The following THEM4 variants were observed in gnomAD, a reference collection of about 807,000 sequenced individuals.
THEM4 encodes acyl-coenzyme A thioesterase THEM4.
A neutral mutation model predicts 25.0 loss-of-function variants in THEM4; 22 were observed. That is an observed-to-expected ratio of 0.88 (90% CI 0.63 to 1.26). The LOEUF is 1.26. Among genes scored for constraint, THEM4 ranks in the 50% most tolerant of loss-of-function variants. The probability of loss-of-function intolerance (pLI) is 0.00; values close to 1 mark genes in which losing one functional copy is unlikely to be tolerated. For missense variants in THEM4, 286 were observed against 300.3 expected (o/e 0.95, Z 0.35); for synonymous variants, 113 against 105.6 (o/e 1.07, Z -0.43).
At position 151,870,961 on chromosome 1, in the gene THEM4, G is replaced by A. The variant is rs1653537761; in HGVS notation, c.*3927C>T. 6.6e-6 allele frequency among the ~76,000 whole-genome samples: 1 copy of A among 152,178 alleles called. No homozygotes were observed. The highest frequency in any genetic ancestry group is 1.5e-5 in the Non-Finnish European group (1 of 68,032). On this transcript the variant is annotated 3_prime_UTR_variant, in exon 6 of 6. Transcript: ENST00000368814. ...CGGCCTAATTATGTTTACACTGATA[G>A]TTTAAAGATATTTTAGCACTAACCA...
intron 2 of THEM4, among the ~76,000 whole-genome samples, chr1:151,891,872 G>A (rs1654102028): frequency 6.6e-6 from 1 of 152,116 alleles, no homozygotes; most frequent in Non-Finnish European, 1.5e-5. Context: ...CTGAGGGAGA[G>A]GTTGACAGAT....
chr1:151,908,228 A>T (rs760551461), intron 1 of THEM4, among the ~76,000 whole-genome samples: 3 of 152,104 alleles, frequency 2.0e-5, no homozygotes, highest in Non-Finnish European at 2.9e-5. Context: ...ATTTTCTGTA[A>T]AGTTTTGTGC....
intron 2 of THEM4, 126 bp from the exon 3 acceptor site, chr1:151,889,499 G>T: frequency 1.0e-6 from 1 of 985,414 alleles, no homozygotes; most frequent in Non-Finnish European, 1.5e-6. Context: ...TCCACAGGGT[G>T]CAAAATTGAA....
intron 2 of THEM4, among the ~76,000 whole-genome samples, chr1:151,891,989 T>C (rs573910310): frequency 7.9e-5 from 12 of 152,214 alleles, no homozygotes; most frequent in East Asian, 1.9e-4. Context: ...AGAATCTTGC[T>C]CTGTCACCCA....
intron 4 of THEM4, among the ~76,000 whole-genome samples, chr1:151,877,511 CTCATT>C (rs1318998021): frequency 6.6e-6 from 1 of 152,244 alleles, no homozygotes; most frequent in African/African-American, 2.4e-5. Flanking sequence ...GGCAGCTTCT[CTCATT>C]TCTTCTGTCA....
chr1:151,884,113 AG>A (rs1653908830), intron 4 of THEM4, among the ~76,000 whole-genome samples: 1 of 151,386 alleles, frequency 6.6e-6, no homozygotes, highest in African/African-American at 2.4e-5. Context: ...AAATAAATAA[AG>A]GAAGGAAGGA....
At position 151,875,138 on chromosome 1, in the gene THEM4, A is replaced by G. The variant is rs1351147366; in HGVS notation, c.683-210T>C. Among the ~76,000 whole-genome samples the G allele has an allele frequency of 2.0e-5, 3 of 152,190 alleles. No individual in the cohort carries two copies. The East Asian group carries it at 5.8e-4, about 29-fold the overall frequency. ...CTTCTCCCTGGGTAACCAGGTCCTC[A>G]CCACTTGGCCATTTCATGGTTCCTC... On this transcript the variant is annotated intron_variant, in intron 5 of 5. Coordinates refer to ENST00000368814, the MANE Select transcript of THEM4 (RefSeq NM_053055.5).
intron 3 of THEM4, 22 bp downstream of exon 3, chr1:151,889,192 A>C: frequency 2.5e-6 from 4 of 1,608,532 alleles, no homozygotes; most frequent in Non-Finnish European, 3.4e-6. Context: ...TTAGATCCAC[A>C]CTTTCAGGCT....
intron 1 of THEM4, among the ~76,000 whole-genome samples, chr1:151,899,750 A>T (rs530997728): frequency 6.6e-6 from 1 of 152,346 alleles, no homozygotes; most frequent in Non-Finnish European, 1.5e-5. Context: ...TAATCGAGGA[A>T]AACTTCCCTG....
rs537309728 is a variant in THEM4 at position 151,873,106 on chromosome 1, G to A, written c.*1782C>T. Among the ~76,000 whole-genome samples the A allele has an allele frequency of 1.3e-5, 2 of 152,266 alleles. No individual in the cohort carries two copies. The highest frequency in any genetic ancestry group is 1.9e-4 in the East Asian group (1 of 5,174). On this transcript the variant is annotated 3_prime_UTR_variant, in exon 6 of 6. Coordinates refer to ENST00000368814, the MANE Select transcript of THEM4 (RefSeq NM_053055.5). Reference sequence around the variant, plus strand: ...GTGGCTGGAGCCAAGATACGCTGGCGGCAATGCTGCTGTTACTCTTTGCTA... The same window carrying A: ...GTGGCTGGAGCCAAGATACGCTGGCAGCAATGCTGCTGTTACTCTTTGCTA...
chr1:151,873,749 C>A lies in THEM4; in HGVS notation c.*1139G>T, dbSNP rs1203726652. 2 of 152,178 alleles carry A rather than the reference C, an allele frequency of 1.3e-5. No individual in the cohort carries two copies. Among genetic ancestry groups the A allele is most frequent in the Non-Finnish European group, 2.9e-5 (2 of 68,078 alleles). 9.4% of individuals were successfully genotyped at this position (152,178 alleles called of 1,614,324 possible). A position where few individuals can be genotyped will look rare whatever the true frequency, so the allele number is the denominator to read the frequency against. ...AGAGGGAAGACACTGTGGAGACACA[C>A]AGAGGGAATGCCATGTGAAGATGGA... On this transcript the variant is annotated 3_prime_UTR_variant, in exon 6 of 6. Transcript: ENST00000368814.
At chr1:151,901,410 A>G (rs1380865647) in intron 1 of THEM4, among the ~76,000 whole-genome samples, 1 of 152,386 alleles carries the variant, frequency 6.6e-6, no homozygotes, top group East Asian at 1.9e-4. Flanking sequence ...TCAACAGTGC[A>G]TGGAACTTTC....
intron 2 of THEM4, among the ~76,000 whole-genome samples, chr1:151,894,056 T>C (rs1654158003): frequency 3.3e-5 from 5 of 152,044 alleles, no homozygotes; most frequent in Admixed American, 3.3e-4. Context: ...AGAGACGAGG[T>C]TTCACCATGT....
At chr1:151,904,671 C>T (rs912468632) in intron 1 of THEM4, among the ~76,000 whole-genome samples, 17 of 152,148 alleles carry the variant, frequency 1.1e-4, no homozygotes, top group African/African-American at 3.9e-4. Flanking sequence ...TGGTCAGAAT[C>T]TGAACTAGGT....
In THEM4 at chr1:151,872,005, G is replaced by T. The variant is rs1653564236; in HGVS notation, c.*2883C>A. 3.3e-5 allele frequency among the ~76,000 whole-genome samples: 5 copies of T among 152,234 alleles called. No homozygotes were observed. Among genetic ancestry groups the T allele is most frequent in the Admixed American group, 3.3e-4 (5 of 15,288 alleles). On this transcript the variant is annotated 3_prime_UTR_variant, in exon 6 of 6. Transcript: ENST00000368814. Reference sequence around the variant, plus strand: ...TCCACTCTCTTAAGTTTCAGGATTTGTTGGAAGACTGGGAATAGAGGGTGG... The same window carrying T: ...TCCACTCTCTTAAGTTTCAGGATTTTTTGGAAGACTGGGAATAGAGGGTGG...
At chr1:151,875,212 T>C (rs897193594) in intron 5 of THEM4, among the ~76,000 whole-genome samples, 2 of 152,224 alleles carry the variant, frequency 1.3e-5, no homozygotes, top group Non-Finnish European at 2.9e-5. Context: ...GTGAGCCATC[T>C]GGCACCTTTA....
rs1653613502 is a variant in THEM4, at chr1:151,874,072, G to C, written c.*816C>G. On this transcript the variant is annotated 3_prime_UTR_variant, in exon 6 of 6. Coordinates refer to ENST00000368814, the MANE Select transcript of THEM4 (RefSeq NM_053055.5). ...AGCCTGGGTTAAAAATGGCACAGTG[G>C]TTTAATCTCTAGAATCTCAGACAAC... 6.6e-6 allele frequency: 1 copy of C among 152,246 alleles called. No individual in the cohort carries two copies. The highest frequency in any genetic ancestry group is 2.1e-4 in the South Asian group (1 of 4,832). 9.4% of individuals were successfully genotyped at this position (152,246 alleles called of 1,614,324 possible).
At chr1:151,904,034 C>T (rs1298150455) in intron 1 of THEM4, among the ~76,000 whole-genome samples, 1 of 152,170 alleles carries the variant, frequency 6.6e-6, no homozygotes, top group African/African-American at 2.4e-5. Context: ...GAAATAGATA[C>T]AGGCATAGAA....
At chr1:151,875,192 A>G (rs1204551004) in intron 5 of THEM4, among the ~76,000 whole-genome samples, 2 of 152,206 alleles carry the variant, frequency 1.3e-5, no homozygotes, top group African/African-American at 2.4e-5. Flanking sequence ...GAAAAGAACT[A>G]AAATTACAAG....
Sources: allele counts gnomAD v4.1 joint callset (sites outside exome capture counted in the v4.1 genomes callset), GRCh38; gene constraint gnomAD v4.1.1; transcripts MANE v1.5; gene names NCBI Gene and HGNC (gene_info 2026-07-23, HGNC 2026-07-21).